The following PCDHGA6 variants were observed in gnomAD, a reference collection of about 807,000 sequenced individuals.
The protein encoded by PCDHGA6 is protocadherin gamma-A6.
In PCDHGA6, 41 loss-of-function variants were observed where a neutral mutation model predicts 60.6. The observed-to-expected ratio is 0.68, with a 90% CI of 0.53 to 0.88. The LOEUF (loss-of-function observed/expected upper bound fraction) is 0.88, where lower values mean the gene tolerates loss of function less well. Among genes scored for constraint, PCDHGA6 ranks in the 40% least tolerant of loss-of-function variants. The pLI is 0.00. For missense variants in PCDHGA6, 1,312 were observed against 1,203.0 expected (o/e 1.09, Z -1.34); for synonymous variants, 594 against 524.4 (o/e 1.13, Z -1.81).
intron 1 of PCDHGA6, chr5:141,478,484 C>T (rs376021397): frequency 6.2e-7 from 1 of 1,613,458 alleles, no homozygotes; most frequent in South Asian, 1.1e-5. Flanking sequence ...GAACACGCTG[C>T]GGAGCTGTGA....
Position 141,489,510 on chromosome 5 carries a change from T to A in PCDHGA6, c.2425-5297T>A, listed in dbSNP as rs762210983. 1 of 1,614,124 alleles carries A rather than the reference T, an allele frequency of 6.2e-7. No individual in the cohort carries two copies. The highest frequency in any genetic ancestry group is 1.7e-5 in the Admixed American group (1 of 60,022). On this transcript the variant is annotated intron_variant, in intron 1 of 3. Transcript: ENST00000517434. This position sits in a 1 kb window ranked among gnomAD's most constrained non-coding sequence, Gnocchi z 4.5. Reference sequence around the variant, plus strand: ...GTGCCCTGGCAGTGAATCAAAAGATTGACCGAGAAAGCCTATGTGGAGCCA... The same window carrying A: ...GTGCCCTGGCAGTGAATCAAAAGATAGACCGAGAAAGCCTATGTGGAGCCA...
intron 1 of PCDHGA6, among the ~76,000 whole-genome samples, chr5:141,435,885 C>T (rs2097784639): frequency 6.6e-6 from 1 of 152,088 alleles, no homozygotes; most frequent in Non-Finnish European, 1.5e-5. Context: ...TTGGAAACCC[C>T]TTAGAGAATG....
chr5:141,409,149 C>T (rs1248646625), intron 1 of PCDHGA6: 1 of 1,613,948 alleles, frequency 6.2e-7, no homozygotes, highest in Non-Finnish European at 8.5e-7. Context: ...GAAAGGTACA[C>T]CATGGAAGTG....
chr5:141,389,799 C>T (rs763321545), intron 1 of PCDHGA6: 2 of 1,613,678 alleles, frequency 1.2e-6, no homozygotes, highest in Non-Finnish European at 1.7e-6. Context: ...CGTCCGCCAG[C>T]GCCTTCTGGT....
chr5:141,492,360 G>A (rs2099739696), intron 1 of PCDHGA6, among the ~76,000 whole-genome samples: 1 of 152,190 alleles, frequency 6.6e-6, no homozygotes, highest in African/African-American at 2.4e-5. Context: ...CCACTCGCTC[G>A]CGGCCAGATT....
chr5:141,476,281 T>G lies in PCDHGA6; in HGVS notation c.2425-18526T>G. On this transcript the variant is annotated intron_variant, in intron 1 of 3. Coordinates refer to ENST00000517434, the MANE Select transcript of PCDHGA6 (RefSeq NM_018919.3). This position sits in a 1 kb window ranked among gnomAD's most constrained non-coding sequence, Gnocchi z 7.6. ...TGGGCAACGTGGTCGCGAACCTTGGTTTGGATCTCGGTAGCCTCTCAGCCC... is the reference window on the plus strand; with the variant it reads ...TGGGCAACGTGGTCGCGAACCTTGGGTTGGATCTCGGTAGCCTCTCAGCCC... 1 of 1,614,048 alleles carries G rather than the reference T, an allele frequency of 6.2e-7. No homozygotes were observed. The highest frequency in any genetic ancestry group is 1.1e-5 in the South Asian group (1 of 91,062).
chr5:141,410,712 T>C (rs776042818), intron 1 of PCDHGA6: 2 of 1,437,800 alleles, frequency 1.4e-6, no homozygotes, highest in Non-Finnish European at 1.9e-6. Context: ...TCTAGAATCA[T>C]ATGTTTAAAA....
rs1440733700 is a variant in PCDHGA6 at position 141,441,803 on chromosome 5, G to A, written c.2425-53004G>A. 249 of 383,164 alleles carry A rather than the reference G, an allele frequency of 6.5e-4. 2 individuals carry two copies. Among genetic ancestry groups the A allele is most frequent in the African/African-American group, 4.8e-3 (220 of 45,902 alleles). The allele number at this position is 383,164 out of a possible 1,614,324, so 23.7% of individuals were successfully genotyped here. The stretch of plus-strand genomic sequence containing the variant: ...ACCTGAATGACAACGCACCGCGGGT[G>A]CTGTACCCCAGCTCTGGAGCGCAAT... On this transcript the variant is annotated intron_variant, in intron 1 of 3. Coordinates refer to ENST00000517434, the MANE Select transcript of PCDHGA6 (RefSeq NM_018919.3).
chr5:141,415,112 T>G, intron 1 of PCDHGA6: 1 of 1,613,626 alleles, frequency 6.2e-7, no homozygotes, highest in Non-Finnish European at 8.5e-7. Flanking sequence ...AAGCAAAGCC[T>G]CGTAGTGGCC....
rs768510925 is a variant in PCDHGA6 at position 141,394,047 on chromosome 5, C to T, written c.2424+17540C>T. On this transcript the variant is annotated intron_variant, in intron 1 of 3. Coordinates refer to ENST00000517434, the MANE Select transcript of PCDHGA6 (RefSeq NM_018919.3). Reference sequence around the variant, plus strand: ...ATTAGTGACAAGGAAATATTTGGACCGAGAAAATGTCTCTATCTACAATAT... The same window carrying T: ...ATTAGTGACAAGGAAATATTTGGACTGAGAAAATGTCTCTATCTACAATAT... The T allele has an allele frequency of 5.6e-6, 9 of 1,613,438 alleles. No homozygotes were observed. The Admixed American group carries it at 1.5e-4, about 27-fold the overall frequency.
At chr5:141,500,914 G>T (rs1237339394) in intron 2 of PCDHGA6, among the ~76,000 whole-genome samples, 2 of 151,130 alleles carry the variant, frequency 1.3e-5, no homozygotes, top group Non-Finnish European at 2.9e-5. Flanking sequence ...CTGTCTCCAG[G>T]CTGGGGTGCA....
chr5:141,383,054 T>C, intron 1 of PCDHGA6: 3 of 1,613,872 alleles, frequency 1.9e-6, no homozygotes, highest in Non-Finnish European at 2.5e-6. Flanking sequence ...GCCAAGGACC[T>C]GGGGCTGGAG....
chr5:141,477,814 G>C lies in PCDHGA6; in HGVS notation c.2425-16993G>C, dbSNP rs780195618. The C allele has an allele frequency of 1.2e-6, 2 of 1,614,110 alleles. No homozygotes were observed. The highest frequency in any genetic ancestry group is 1.1e-5 in the South Asian group (1 of 91,074). On this transcript the variant is annotated intron_variant, in intron 1 of 3. Coordinates refer to ENST00000517434, the MANE Select transcript of PCDHGA6 (RefSeq NM_018919.3). The surrounding 1 kb of genome is among the most constrained non-coding windows in gnomAD (Gnocchi z 4.9). ...CTGATCGCAATGACAATGCCCCCCA[G>C]GTCCTATATCCTCGGCCAGGTGGGA... is the stretch of plus-strand genomic sequence containing the variant.
At chr5:141,377,231 A>G (rs1773795281) in intron 1 of PCDHGA6, 2 of 152,072 alleles carry the variant, frequency 1.3e-5, no homozygotes, top group Admixed American at 1.3e-4. Flanking sequence ...GTTTTTTCCT[A>G]CTATGTGACA....
chr5:141,402,915 C>G (rs1232523303), intron 1 of PCDHGA6: 2 of 1,564,688 alleles, frequency 1.3e-6, no homozygotes, highest in Admixed American at 1.9e-5. Flanking sequence ...GCAGCGCGCA[C>G]AGAGATCCTT....
rs761831761 is a variant in PCDHGA6 at position 141,485,471 on chromosome 5, G to A, written c.2425-9336G>A. The A allele has an allele frequency of 4.3e-6, 7 of 1,614,144 alleles. No homozygotes were observed. The Admixed American group carries it at 5.0e-5, about 12-fold the overall frequency. On this transcript the variant is annotated intron_variant, in intron 1 of 3. Transcript: ENST00000517434. This position sits in a 1 kb window ranked among gnomAD's most constrained non-coding sequence, Gnocchi z 5.7. ...CCGAGAGGCACTGTGTGGGCTCAGT[G>A]CCAGCTGCATCGTGCCCCTGGAGTT...
Position 141,491,880 on chromosome 5 carries a change from G to C in PCDHGA6, c.2425-2927G>C. ...GCGAAACCAGAGTGGCCGATTAAGG[G>C]ATGGGGCTCCGAGCACCGGGGGTGG... On this transcript the variant is annotated intron_variant, in intron 1 of 3. Transcript: ENST00000517434. This position sits in a 1 kb window ranked among gnomAD's most constrained non-coding sequence, Gnocchi z 6.9. 1 of 1,449,834 alleles carries C rather than the reference G, an allele frequency of 6.9e-7. No individual in the cohort carries two copies. 89.8% of individuals were successfully genotyped at this position (1,449,834 alleles called of 1,614,324 possible).
At chr5:141,453,311 A>C (rs2098762053) in intron 1 of PCDHGA6, among the ~76,000 whole-genome samples, 1 of 151,602 alleles carries the variant, frequency 6.6e-6, no homozygotes, top group African/African-American at 2.4e-5. Flanking sequence ...TTATTTATTT[A>C]TTTTAGAGAT....
chr5:141,458,918 A>C (rs1173274380), intron 1 of PCDHGA6, among the ~76,000 whole-genome samples: 1 of 152,022 alleles, frequency 6.6e-6, no homozygotes, highest in Non-Finnish European at 1.5e-5. Context: ...TTTTTTGTGG[A>C]GACGGGGTCT....
Sources: allele counts gnomAD v4.1 joint callset (sites outside exome capture counted in the v4.1 genomes callset), GRCh38; gene constraint gnomAD v4.1.1; non-coding constraint Gnocchi (gnomAD v3.1); transcripts MANE v1.5; gene names NCBI Gene and HGNC (gene_info 2026-07-23, HGNC 2026-07-21).